Variants in TGFB2 observed in about 807,000 individuals in gnomAD.
TGFB2 encodes the protein transforming growth factor beta 2.
In TGFB2, 13 loss-of-function variants were observed where a neutral mutation model predicts 42.7. That is an observed-to-expected ratio of 0.30 (90% CI 0.20 to 0.48). The LOEUF (loss-of-function observed/expected upper bound fraction) is 0.48, where lower values mean the gene tolerates loss of function less well. Among genes scored for constraint, TGFB2 ranks in the 20% least tolerant of loss-of-function variants. The pLI is 0.99. For synonymous variants in TGFB2, 193 were observed against 193.6 expected (o/e 1.00, Z 0.03); for missense variants, 390 against 517.5 (o/e 0.75, Z 2.39).
At chr1:218,352,931 C>T (rs1433889103) in intron 1 of TGFB2, among the ~76,000 whole-genome samples, 1 of 152,170 alleles carries the variant, frequency 6.6e-6, no homozygotes, top group African/African-American at 2.4e-5. Context: ...TAACACTGGC[C>T]TTCTAGGGTT....
chr1:218,358,454 A>G (rs1227208499), intron 1 of TGFB2, among the ~76,000 whole-genome samples: 3 of 150,922 alleles, frequency 2.0e-5, no homozygotes, highest in African/African-American at 7.3e-5. Context: ...TCCCCTATCT[A>G]TTGGCTTAAT....
chr1:218,389,345 G>A (rs1240812934), intron 1 of TGFB2, among the ~76,000 whole-genome samples: 2 of 152,146 alleles, frequency 1.3e-5, no homozygotes, highest in Non-Finnish European at 2.9e-5. Flanking sequence ...CACAGGAGTG[G>A]GAAGATGACA....
chr1:218,390,193 C>T (rs574284586), intron 1 of TGFB2, among the ~76,000 whole-genome samples: 11 of 143,016 alleles, frequency 7.7e-5, no homozygotes, highest in African/African-American at 2.6e-4. Context: ...GCCCCCACCC[C>T]GGTCTACACA....
intron 2 of TGFB2, among the ~76,000 whole-genome samples, chr1:218,421,879 A>G (rs1659465805): frequency 6.6e-6 from 1 of 152,194 alleles, no homozygotes; most frequent in Non-Finnish European, 1.5e-5. Context: ...CTATGCAACT[A>G]TAGCCAAGGA....
chr1:218,400,338 G>T (rs1439220473), intron 1 of TGFB2, among the ~76,000 whole-genome samples: 1 of 151,966 alleles, frequency 6.6e-6, no homozygotes, highest in African/African-American at 2.4e-5. Context: ...TTTTTTATGT[G>T]CTGTTTGATA....
chr1:218,371,672 A>G (rs1416098419), intron 1 of TGFB2, among the ~76,000 whole-genome samples: 1 of 152,182 alleles, frequency 6.6e-6, no homozygotes, highest in Non-Finnish European at 1.5e-5. Context: ...TAGGTCCTAG[A>G]TTGTCACTCT....
intron 1 of TGFB2, among the ~76,000 whole-genome samples, chr1:218,348,193 A>T (rs1175930348): frequency 2.0e-5 from 3 of 152,100 alleles, no homozygotes; most frequent in Non-Finnish European, 2.9e-5. Context: ...CCTCTTCAAC[A>T]TTTGTGTATT....
At chr1:218,385,543 A>G (rs1201992516) in intron 1 of TGFB2, among the ~76,000 whole-genome samples, 1 of 152,160 alleles carries the variant, frequency 6.6e-6, no homozygotes, top group Non-Finnish European at 1.5e-5. Context: ...GATATTTGGG[A>G]GATTTTTTGC....
At chr1:218,414,744 ATTC>A (rs1659219736) in intron 2 of TGFB2, among the ~76,000 whole-genome samples, 1 of 152,152 alleles carries the variant, frequency 6.6e-6, no homozygotes, top group African/African-American at 2.4e-5. Flanking sequence ...TAATAATCTT[ATTC>A]TTTTTTCATA....
chr1:218,420,308 A>G (rs1414290621), intron 2 of TGFB2, among the ~76,000 whole-genome samples: 1 of 152,226 alleles, frequency 6.6e-6, no homozygotes, highest in Non-Finnish European at 1.5e-5. Context: ...AAATTCTACC[A>G]TTACGTATTG....
intron 1 of TGFB2, among the ~76,000 whole-genome samples, chr1:218,375,668 G>GAAC (rs1236763602): frequency 1.3e-4 from 20 of 152,250 alleles, no homozygotes; most frequent in Non-Finnish European, 2.9e-5. Flanking sequence ...CATACATTGA[G>GAAC]AACAGCGAGT....
chr1:218,373,775 C>T (rs1228060769), intron 1 of TGFB2, among the ~76,000 whole-genome samples: 1 of 152,114 alleles, frequency 6.6e-6, no homozygotes, highest in Non-Finnish European at 1.5e-5. Flanking sequence ...TGAGTGAGAA[C>T]CATATGCATC....
chr1:218,379,470 T>TCTTG (rs1558235935), intron 1 of TGFB2, among the ~76,000 whole-genome samples: 3 of 80,842 alleles, frequency 3.7e-5, no homozygotes, highest in Non-Finnish European at 8.5e-5. Context: ...TATTTCTTTT[T>TCTTG]CTTTCTTTCT....
chr1:218,355,239 A>C (rs1401624977), intron 1 of TGFB2, among the ~76,000 whole-genome samples: 1 of 152,170 alleles, frequency 6.6e-6, no homozygotes, highest in East Asian at 1.9e-4. Context: ...TCCTCACAAA[A>C]ATTTTGATAA....
Position 218,441,258 on chromosome 1 carries a change from G to T in TGFB2, c.1141G>T (p.Val381Leu). 6.2e-7 allele frequency: 1 copy of T among 1,613,712 alleles called. No homozygotes were observed. The highest frequency in any genetic ancestry group is 8.5e-7 in the Non-Finnish European group (1 of 1,179,904). Residue 381 changes from valine (V) to leucine (L), a missense_variant, in exon 7 of 7, where the codon GTG becomes TTG. Transcript: ENST00000366930. ...NPEASASPCC[V>L]SQDLEPLTIL... is the part of the protein sequence containing the mutation. ...AGAAGCATCTGCTTCTCCTTGCTGC[G>T]TGTCCCAAGATTTAGAACCTCTAAC...
intron 1 of TGFB2, among the ~76,000 whole-genome samples, chr1:218,351,658 G>A (rs1423195072): frequency 6.6e-6 from 1 of 152,138 alleles, no homozygotes; most frequent in Non-Finnish European, 1.5e-5. Flanking sequence ...TGAAAGAGGG[G>A]CTTTGCAGAG....
intron 1 of TGFB2, among the ~76,000 whole-genome samples, chr1:218,388,715 A>G (rs959710838): frequency 2.0e-5 from 3 of 152,172 alleles, no homozygotes; most frequent in Non-Finnish European, 2.9e-5. Context: ...CCTTCCAGAC[A>G]TTGTACACTC....
chr1:218,428,570 C>T (rs1315813978), intron 2 of TGFB2, among the ~76,000 whole-genome samples: 2 of 151,918 alleles, frequency 1.3e-5, no homozygotes, highest in South Asian at 4.2e-4. Flanking sequence ...CCAGTTTTCC[C>T]AGCACCATTT....
intron 2 of TGFB2, among the ~76,000 whole-genome samples, chr1:218,428,080 G>A (rs1246611795): frequency 6.6e-6 from 1 of 152,120 alleles, no homozygotes; most frequent in Non-Finnish European, 1.5e-5. Context: ...TTCTCTGATG[G>A]CCAGTGATGA....
Sources: gnomAD v4.1 joint callset for allele counts (sites outside exome capture counted in the v4.1 genomes callset) on GRCh38, gnomAD v4.1.1 for gene constraint, MANE v1.5 for transcripts, NCBI Gene and HGNC (gene_info 2026-07-23, HGNC 2026-07-21) for gene names.